Variants in NFATC3 observed in about 807,000 individuals in gnomAD.
NFATC3 encodes the protein nuclear factor of activated T cells 3.
NFATC3 carries 46 observed loss-of-function variants against 98.6 expected under a neutral mutation model. That is an observed-to-expected ratio of 0.47 (90% confidence interval 0.37 to 0.60). NFATC3 has a LOEUF of 0.60. Among genes scored for constraint, NFATC3 ranks in the 20% least tolerant of loss-of-function variants. NFATC3 has a pLI of 0.00. For synonymous variants in NFATC3, 512 were observed against 472.2 expected (o/e 1.08, Z -1.09); for missense variants, 1,256 against 1,295.5 (o/e 0.97, Z 0.47).
intron 9 of NFATC3, among the ~76,000 whole-genome samples, chr16:68,219,233 A>G (rs2041760950): frequency 6.6e-6 from 1 of 152,036 alleles, no homozygotes; most frequent in Non-Finnish European, 1.5e-5. Flanking sequence ...TACAAAAAAA[A>G]TTAGCTGGGC....
At chr16:68,199,228 T>TTA (rs2151130588) in intron 9 of NFATC3, among the ~76,000 whole-genome samples, 1 of 150,576 alleles carries the variant, frequency 6.6e-6, no homozygotes, top group African/African-American at 2.5e-5. Flanking sequence ...TTTTTTTTAT[T>TTA]TTTTATTTTT....
At chr16:68,100,316 T>TAA (rs531270048) in intron 1 of NFATC3, among the ~76,000 whole-genome samples, 4 of 151,994 alleles carry the variant, frequency 2.6e-5, no homozygotes, top group African/African-American at 9.6e-5. Context: ...CTCACACCTG[T>TAA]AATCCCAGCA....
intron 1 of NFATC3, among the ~76,000 whole-genome samples, chr16:68,099,631 TAAA>T (rs1046680626): frequency 6.6e-5 from 10 of 150,404 alleles, no homozygotes; most frequent in African/African-American, 2.2e-4. Context: ...ATAATAATAA[TAAA>T]AAATATAGAA....
At chr16:68,195,556 C>T (rs2151122734) in intron 9 of NFATC3, among the ~76,000 whole-genome samples, 1 of 152,166 alleles carries the variant, frequency 6.6e-6, no homozygotes, top group African/African-American at 2.4e-5. Flanking sequence ...TGCCTGTAAT[C>T]CCAGCACTTT....
chr16:68,163,990 C>T lies in NFATC3; in HGVS notation c.1602-2853C>T, dbSNP rs2039052792. Among the ~76,000 whole-genome samples, 3 of 151,748 alleles carry T rather than the reference C, an allele frequency of 2.0e-5. No homozygotes were observed. The South Asian group carries it at 6.2e-4, about 32-fold the overall frequency. On this transcript the variant is annotated intron_variant, in intron 4 of 9. Transcript: ENST00000346183. Reference sequence around the variant, plus strand: ...CCAGGCAGAGACGCTCCTCACTTCCCAGACGGGGTGGCGGCCGGGCAGAGG... The same window carrying T: ...CCAGGCAGAGACGCTCCTCACTTCCTAGACGGGGTGGCGGCCGGGCAGAGG...
intron 1 of NFATC3, among the ~76,000 whole-genome samples, chr16:68,106,921 C>T (rs1047083879): frequency 3.9e-5 from 6 of 152,080 alleles, no homozygotes; most frequent in Non-Finnish European, 7.4e-5. Flanking sequence ...TCGTGACCCC[C>T]ACCCCCAGAC....
Position 68,191,410 on chromosome 16 carries a change from C to T in NFATC3, c.2741C>T (p.Thr914Ile). 1 of 1,614,148 alleles carries T rather than the reference C, an allele frequency of 6.2e-7. No individual in the cohort carries two copies. Among genetic ancestry groups the T allele is most frequent in the South Asian group, 1.1e-5 (1 of 91,082 alleles). ...CCTTCGTCTCAGTTACAACCTATTA[C>T]ATATGGTCCTTCACATTCAGGGTCT... is the stretch of plus-strand genomic sequence containing the variant. ...GQPSSQLQPI[T>I]YGPSHSGSAT... The change falls in exon 9 of 10, where the codon ACA becomes ATA. Residue 914 changes from threonine to isoleucine, a missense_variant. Transcript: ENST00000346183.
In NFATC3 at chr16:68,191,738, T is replaced by C. The variant is rs780024441; in HGVS notation, c.3069T>C (p.Phe1023=). Residue 1023 remains phenylalanine, a synonymous_variant, in exon 9 of 10, where the codon TTT becomes TTC. Transcript: ENST00000346183. ...KPEPEDREPN[F]ATIGLQDITL... is the part of the protein sequence containing the mutation. ...AACCAGAAGATCGAGAGCCTAACTT[T>C]GCAACCATTGGTCTGCAGGACATCA... is the stretch of plus-strand genomic sequence containing the variant. 1 of 1,614,168 alleles carries C rather than the reference T, an allele frequency of 6.2e-7. No individual in the cohort carries two copies. The highest frequency in any genetic ancestry group is 1.7e-5 in the Admixed American group (1 of 60,016).
chr16:68,156,745 C>T (rs185096157), intron 3 of NFATC3, among the ~76,000 whole-genome samples: 111 of 152,158 alleles, frequency 7.3e-4, no homozygotes, highest in African/African-American at 2.6e-3. Flanking sequence ...TTCAGATCGC[C>T]CTGGCCAGCA....
intron 5 of NFATC3, among the ~76,000 whole-genome samples, chr16:68,173,987 A>T (rs935240457): frequency 2.1e-4 from 31 of 148,422 alleles, no homozygotes; most frequent in Non-Finnish European, 4.0e-4. Flanking sequence ...TGTTGCTATT[A>T]AAAAAAAAAA....
intron 1 of NFATC3, among the ~76,000 whole-genome samples, chr16:68,097,594 A>G (rs2035086337): frequency 6.6e-6 from 1 of 152,230 alleles, no homozygotes; most frequent in Non-Finnish European, 1.5e-5. Context: ...TCTGGAAACA[A>G]CAGTATTGCA....
intron 9 of NFATC3, among the ~76,000 whole-genome samples, chr16:68,196,080 A>C (rs2040657046): frequency 6.6e-6 from 1 of 152,080 alleles, no homozygotes; most frequent in Non-Finnish European, 1.5e-5. Flanking sequence ...TAATTTTTGC[A>C]AATTGAATTT....
intron 3 of NFATC3, among the ~76,000 whole-genome samples, chr16:68,149,708 A>T (rs1335970514): frequency 6.6e-6 from 1 of 152,214 alleles, no homozygotes; most frequent in African/African-American, 2.4e-5. Context: ...ATTGATCCAG[A>T]ATTGGTGATA....
At chr16:68,196,154 C>CT (rs1223712023) in intron 9 of NFATC3, among the ~76,000 whole-genome samples, 4 of 152,060 alleles carry the variant, frequency 2.6e-5, no homozygotes, top group Admixed American at 2.0e-4. Context: ...TATGGAGTCT[C>CT]TATCACCCAG....
chr16:68,137,661 C>T (rs1235378986), intron 3 of NFATC3, among the ~76,000 whole-genome samples: 14 of 151,288 alleles, frequency 9.3e-5, no homozygotes, highest in Non-Finnish European at 1.8e-4. Flanking sequence ...TCACCCAGGC[C>T]GGAGTGCAGT....
At chr16:68,160,110 CTCT>C (rs1456040977) in intron 4 of NFATC3, among the ~76,000 whole-genome samples, 2 of 151,980 alleles carry the variant, frequency 1.3e-5, no homozygotes, top group Non-Finnish European at 2.9e-5. Flanking sequence ...GTCTTGAGCT[CTCT>C]TCATTTAAAT....
intron 7 of NFATC3, among the ~76,000 whole-genome samples, chr16:68,182,770 C>T (rs2040003768): frequency 6.6e-6 from 1 of 152,118 alleles, no homozygotes; most frequent in South Asian, 2.1e-4. Context: ...CCGCCCACCT[C>T]AGCCTCCCAA....
At chr16:68,214,223 TA>T (rs1248282192) in intron 9 of NFATC3, 15 of 757,000 alleles carry the variant, frequency 2.0e-5, no homozygotes, top group Non-Finnish European at 3.2e-5. Context: ...AAAAGACAGT[TA>T]AATTCCTTTT....
At chr16:68,210,123 C>T (rs559486868) in intron 9 of NFATC3, among the ~76,000 whole-genome samples, 1 of 151,970 alleles carries the variant, frequency 6.6e-6, no homozygotes, top group Non-Finnish European at 1.5e-5. Context: ...CAGTGAAACT[C>T]CATCTCTACT....
Sources: allele counts gnomAD v4.1 joint callset (sites outside exome capture counted in the v4.1 genomes callset), GRCh38; gene constraint gnomAD v4.1.1; transcripts MANE v1.5; gene names NCBI Gene and HGNC (gene_info 2026-07-23, HGNC 2026-07-21).